Variants in ADAMTSL1 observed in about 807,000 individuals in gnomAD.
ADAMTSL1 encodes the protein ADAMTS-like protein 1.
A neutral mutation model predicts 201.8 loss-of-function variants in ADAMTSL1; 126 were observed. That is an observed-to-expected ratio of 0.62 (90% confidence interval 0.54 to 0.72). The LOEUF is 0.72. Among genes scored for constraint, ADAMTSL1 ranks in the 30% least tolerant of loss-of-function variants. The probability of loss-of-function intolerance (pLI) is 0.00; values close to 1 mark genes in which losing one functional copy is unlikely to be tolerated. For synonymous variants in ADAMTSL1, 1,121 were observed against 903.4 expected, an observed-to-expected ratio of 1.24 and a Z score of -4.32; for missense variants, 2,679 against 2,277.8, an observed-to-expected ratio of 1.18 and a Z score of -3.59.
At chr9:18,187,743 T>C (rs1828801537) in intron 2 of ADAMTSL1, among the ~76,000 whole-genome samples, 1 of 152,042 alleles carries the variant, frequency 6.6e-6, no homozygotes, top group Non-Finnish European at 1.5e-5. Context: ...GAAGGAAGGA[T>C]GGCAGAAAAA....
At chr9:17,918,521 T>A (rs938891054) in intron 1 of ADAMTSL1, among the ~76,000 whole-genome samples, 1 of 151,918 alleles carries the variant, frequency 6.6e-6, no homozygotes, top group Non-Finnish European at 1.5e-5. Context: ...GAATCCTTTT[T>A]AATTTATTGA....
chr9:18,213,900 A>T (rs775262928), intron 2 of ADAMTSL1, among the ~76,000 whole-genome samples: 3 of 151,280 alleles, frequency 2.0e-5, no homozygotes, highest in Admixed American at 6.6e-5. Context: ...TTGCTTGCTT[A>T]TTTATTTATT....
chr9:17,975,892 T>G (rs1005062764), intron 1 of ADAMTSL1, among the ~76,000 whole-genome samples: 3 of 152,128 alleles, frequency 2.0e-5, no homozygotes, highest in Non-Finnish European at 4.4e-5. Context: ...AGAGTTGATT[T>G]CTGTGTTTGG....
chr9:18,183,898 G>A (rs567046112), intron 2 of ADAMTSL1, among the ~76,000 whole-genome samples: 1 of 152,252 alleles, frequency 6.6e-6, no homozygotes, highest in African/African-American at 2.4e-5. Context: ...TTATATAGTT[G>A]AAACAAGCGC....
At chr9:18,494,529 G>C (rs1186758438) in intron 1 of ADAMTSL1, among the ~76,000 whole-genome samples, 1 of 152,132 alleles carries the variant, frequency 6.6e-6, no homozygotes, top group Non-Finnish European at 1.5e-5. Flanking sequence ...TCAAGATCAT[G>C]ACCCGATTAC....
chr9:18,554,669 G>T (rs1272374917), intron 3 of ADAMTSL1, among the ~76,000 whole-genome samples: 2 of 148,248 alleles, frequency 1.3e-5, no homozygotes, highest in African/African-American at 2.5e-5. Context: ...GATCTGAGTG[G>T]TTTTTTTTTT....
At chr9:18,429,688 G>T (rs981328552) in intron 2 of ADAMTSL1, among the ~76,000 whole-genome samples, 2 of 152,038 alleles carry the variant, frequency 1.3e-5, no homozygotes, top group Non-Finnish European at 2.9e-5. Flanking sequence ...AGAAGGAGGG[G>T]TCTAAAAGTT....
At chr9:18,307,554 CA>C (rs1476546930) in intron 2 of ADAMTSL1, among the ~76,000 whole-genome samples, 1 of 151,914 alleles carries the variant, frequency 6.6e-6, no homozygotes, top group African/African-American at 2.4e-5. Context: ...CCTATTCTCT[CA>C]TAAAACAGAC....
At chr9:18,626,878 C>CTGTCTGTCTGTCTGT in intron 5 of ADAMTSL1, among the ~76,000 whole-genome samples, 1 of 90,082 alleles carries the variant, frequency 1.1e-5, no homozygotes, top group African/African-American at 5.9e-5. Flanking sequence ...TGTCTTTCTT[C>CTGTCTGTCTGTCTGT]CTTCCTTCCT....
At chr9:17,952,983 G>A (rs991417693) in intron 1 of ADAMTSL1, among the ~76,000 whole-genome samples, 1 of 144,722 alleles carries the variant, frequency 6.9e-6, no homozygotes, top group Non-Finnish European at 1.5e-5. Flanking sequence ...GCTTTATTTG[G>A]ACCTTGACTC....
chr9:18,544,706 G>T (rs1820369070), intron 3 of ADAMTSL1, among the ~76,000 whole-genome samples: 1 of 152,172 alleles, frequency 6.6e-6, no homozygotes, highest in African/African-American at 2.4e-5. Flanking sequence ...CTAATGCCAA[G>T]CATCTACTTT....
At chr9:18,529,022 G>A (rs1819272221) in intron 2 of ADAMTSL1, among the ~76,000 whole-genome samples, 1 of 152,174 alleles carries the variant, frequency 6.6e-6, no homozygotes, top group Non-Finnish European at 1.5e-5. Flanking sequence ...TTCTCTGACA[G>A]GGATTTTGTG....
At chr9:18,519,769 C>T (rs574128242) in intron 2 of ADAMTSL1, among the ~76,000 whole-genome samples, 1 of 152,266 alleles carries the variant, frequency 6.6e-6, no homozygotes, top group African/African-American at 2.4e-5. Flanking sequence ...ACTCACTTTC[C>T]GCATTGGAGT....
intron 2 of ADAMTSL1, among the ~76,000 whole-genome samples, chr9:18,283,925 AAAAAAG>A (rs1019275041): frequency 7.4e-6 from 1 of 135,644 alleles, no homozygotes; most frequent in African/African-American, 2.9e-5. Flanking sequence ...CTAAAAAAAA[AAAAAAG>A]AAGAAGAAGA....
chr9:18,321,924 A>C (rs775741542), intron 2 of ADAMTSL1, among the ~76,000 whole-genome samples: 1 of 152,236 alleles, frequency 6.6e-6, no homozygotes, highest in Non-Finnish European at 1.5e-5. Context: ...TGAAAGATTA[A>C]AATTTTACAA....
chr9:18,681,811 G>C lies in ADAMTSL1; in HGVS notation c.1342-1G>C. On this transcript the variant is annotated splice_acceptor_variant, in intron 11 of 28. Coordinates refer to ENST00000380548, the MANE Select transcript of ADAMTSL1 (RefSeq NM_001040272.6). LOFTEE classifies it high-confidence loss of function. Reference sequence around the variant, plus strand: ...TCCTCTCTCTTGCAATCTCTTTCCAGTGCACAGTGACATGTGGCCAGGGCC... The same window carrying C: ...TCCTCTCTCTTGCAATCTCTTTCCACTGCACAGTGACATGTGGCCAGGGCC... 6.2e-7 allele frequency: 1 copy of C among 1,608,870 alleles called. No individual in the cohort carries two copies. Among genetic ancestry groups the C allele is most frequent in the Non-Finnish European group, 8.5e-7 (1 of 1,177,060 alleles).
At chr9:18,632,324 T>C (rs1167171304) in intron 5 of ADAMTSL1, among the ~76,000 whole-genome samples, 2 of 152,238 alleles carry the variant, frequency 1.3e-5, no homozygotes, top group Admixed American at 6.5e-5. Flanking sequence ...TTTTTAATTG[T>C]TTTCCCTATT....
intron 16 of ADAMTSL1, among the ~76,000 whole-genome samples, chr9:18,756,868 A>T (rs186268105): frequency 1.3e-5 from 2 of 152,250 alleles, no homozygotes; most frequent in African/African-American, 4.8e-5. Context: ...TCTGGGGGGA[A>T]GAAAACATAA....
chr9:18,341,511 G>A (rs1489647325), intron 2 of ADAMTSL1, among the ~76,000 whole-genome samples: 1 of 152,032 alleles, frequency 6.6e-6, no homozygotes, highest in South Asian at 2.1e-4. Context: ...ATAAATAAAT[G>A]TCCTCCAGAA....
Sources: allele counts gnomAD v4.1 joint callset (sites outside exome capture counted in the v4.1 genomes callset), GRCh38; gene constraint gnomAD v4.1.1; transcripts MANE v1.5; gene names NCBI Gene and HGNC (gene_info 2026-07-23, HGNC 2026-07-21).